Variants in ASB3 observed in about 807,000 individuals in gnomAD.
ASB3 encodes the protein ankyrin repeat and SOCS box containing 3.
A neutral mutation model predicts 54.5 loss-of-function variants in ASB3; 41 were observed. The observed-to-expected ratio is 0.75, with a 90% CI of 0.59 to 0.98. The LOEUF (loss-of-function observed/expected upper bound fraction) is 0.98. Among genes scored for constraint, ASB3 ranks in the 50% least tolerant of loss-of-function variants. ASB3 has a pLI of 0.00. For missense variants in ASB3, 733 were observed against 620.0 expected, an observed-to-expected ratio of 1.18 and a Z score of -1.94; for synonymous variants, 266 against 221.2, an observed-to-expected ratio of 1.20 and a Z score of -1.80.
At chr2:53,765,668 G>C in intron 1 of ASB3, 83 bp from the exon 2 acceptor site, 1 of 1,505,836 alleles carries the variant, frequency 6.6e-7, no homozygotes, top group Non-Finnish European at 9.1e-7. Flanking sequence ...CGGTGGGCCT[G>C]TCTAGTATCT....
chr2:53,782,543 C>G (rs74691686), intron 1 of ASB3, among the ~76,000 whole-genome samples: 9,122 of 152,212 alleles, frequency 0.06, 370 homozygotes, highest in African/African-American at 0.12. Flanking sequence ...ACACACAAAA[C>G]GCCTGGCAGC....
At chr2:53,740,443 T>G (rs80195357) in intron 3 of ASB3, among the ~76,000 whole-genome samples, 1,873 of 152,336 alleles carry the variant, frequency 0.012, 34 homozygotes, top group African/African-American at 0.044. Context: ...TGTCCATTTA[T>G]TCTATGTATC....
chr2:53,687,070 G>C (rs1245547070), intron 9 of ASB3, among the ~76,000 whole-genome samples: 1 of 152,116 alleles, frequency 6.6e-6, no homozygotes, highest in Non-Finnish European at 1.5e-5. Flanking sequence ...CTTTAAAATA[G>C]TTTTAACAGC....
chr2:53,717,238 A>G (rs1670449283), intron 5 of ASB3, among the ~76,000 whole-genome samples: 1 of 152,234 alleles, frequency 6.6e-6, no homozygotes, highest in African/African-American at 2.4e-5. Flanking sequence ...AAACTATCAA[A>G]CATGGATAAT....
intron 2 of ASB3, among the ~76,000 whole-genome samples, chr2:53,757,555 C>T (rs1572979079): frequency 6.6e-6 from 1 of 152,358 alleles, no homozygotes; most frequent in East Asian, 1.9e-4. Context: ...ACTTCTGAAT[C>T]TACTTCCTCC....
intron 7 of ASB3, among the ~76,000 whole-genome samples, chr2:53,711,592 T>C (rs993686709): frequency 6.6e-6 from 1 of 152,112 alleles, no homozygotes; most frequent in Non-Finnish European, 1.5e-5. Context: ...CTGGCCAACA[T>C]GGTGAAATCC....
At chr2:53,670,782 T>G (rs765438192) in intron 9 of ASB3, 92 bp from the exon 10 acceptor site, 54 of 1,375,810 alleles carry the variant, frequency 3.9e-5, no homozygotes, top group Non-Finnish European at 5.1e-5. Context: ...CAACTCTTAG[T>G]AATAAAAGTG....
intron 9 of ASB3, among the ~76,000 whole-genome samples, chr2:53,676,076 A>G (rs192343531): frequency 2.1e-4 from 32 of 152,362 alleles, no homozygotes; most frequent in African/African-American, 7.0e-4. Context: ...TTTGTAAAAG[A>G]AAAGCACATA....
At chr2:53,720,830 G>A (rs1424426666) in intron 5 of ASB3, among the ~76,000 whole-genome samples, 3 of 151,878 alleles carry the variant, frequency 2.0e-5, no homozygotes, top group Non-Finnish European at 2.9e-5. Context: ...CCACATGCTC[G>A]GCCAAAAAGC....
chr2:53,733,560 G>A (rs1241170667), intron 3 of ASB3, among the ~76,000 whole-genome samples: 1 of 151,948 alleles, frequency 6.6e-6, no homozygotes, highest in Non-Finnish European at 1.5e-5. Flanking sequence ...TCCTGCGTCA[G>A]CCTCCCGAGT....
intron 7 of ASB3, among the ~76,000 whole-genome samples, chr2:53,704,379 G>C (rs879014369): frequency 6.7e-6 from 1 of 148,864 alleles, no homozygotes; most frequent in African/African-American, 2.5e-5. Context: ...AAAAAAAAGG[G>C]AAAAAATAAC....
Position 53,786,929 on chromosome 2 carries a change from C to G in ASB3, c.-122G>C. On this transcript the variant is annotated 5_prime_UTR_variant, in exon 1 of 10. Coordinates refer to ENST00000263634, the MANE Select transcript of ASB3 (RefSeq NM_016115.5). ...TCCCCACCGCGATGCTGCAGCCGTC[C>G]GAAAACGAGAGACGCGCAGGCGACG... is the stretch of plus-strand genomic sequence containing the variant. 1 of 409,988 alleles carries G rather than the reference C, an allele frequency of 2.4e-6. No homozygotes were observed. The highest frequency in any genetic ancestry group is 3.8e-5 in the East Asian group (1 of 26,008). The allele number at this position is 409,988 out of a possible 1,614,324, so 25.4% of individuals were successfully genotyped here. A position where few individuals can be genotyped will look rare whatever the true frequency, so the allele number is the denominator to read the frequency against.
chr2:53,709,371 C>G (rs1334059817), intron 7 of ASB3, among the ~76,000 whole-genome samples: 1 of 152,192 alleles, frequency 6.6e-6, no homozygotes, highest in Admixed American at 6.5e-5. Flanking sequence ...TTGGGAGACT[C>G]TGCCTAGGTT....
intron 5 of ASB3, among the ~76,000 whole-genome samples, chr2:53,723,768 G>GAAATAC (rs2103880050): frequency 6.6e-6 from 1 of 152,260 alleles, no homozygotes; most frequent in Non-Finnish European, 1.5e-5. Context: ...AGAGAATCCA[G>GAAATAC]AAATACAGCC....
intron 2 of ASB3, among the ~76,000 whole-genome samples, chr2:53,759,383 C>T (rs1487202344): frequency 8.5e-5 from 13 of 152,184 alleles, no homozygotes; most frequent in African/African-American, 2.9e-4. Flanking sequence ...GAAAGCATAC[C>T]TCTCTGTCGC....
At chr2:53,699,975 C>G (rs549609585) in intron 8 of ASB3, among the ~76,000 whole-genome samples, 2 of 152,274 alleles carry the variant, frequency 1.3e-5, no homozygotes, top group East Asian at 3.9e-4. Flanking sequence ...TCTTCTGTTA[C>G]AGGCATTTTA....
At chr2:53,678,257 T>C (rs1393272930) in intron 9 of ASB3, among the ~76,000 whole-genome samples, 1 of 152,160 alleles carries the variant, frequency 6.6e-6, no homozygotes, top group Non-Finnish European at 1.5e-5. Context: ...TTCCTCATCC[T>C]ACAAAACTGC....
At chr2:53,715,415 C>A (rs899214593) in intron 6 of ASB3, among the ~76,000 whole-genome samples, 1 of 152,022 alleles carries the variant, frequency 6.6e-6, no homozygotes, top group African/African-American at 2.4e-5. Context: ...TAATGTATGT[C>A]TAAGATAACA....
chr2:53,762,646 G>A (rs1673209272), intron 2 of ASB3, among the ~76,000 whole-genome samples: 1 of 152,050 alleles, frequency 6.6e-6, no homozygotes, highest in Admixed American at 6.5e-5. Context: ...ACTTATTATT[G>A]AATGGCATTA....
Sources: allele counts gnomAD v4.1 joint callset (sites outside exome capture counted in the v4.1 genomes callset), GRCh38; gene constraint gnomAD v4.1.1; transcripts MANE v1.5; gene names NCBI Gene and HGNC (gene_info 2026-07-23, HGNC 2026-07-21).